Variants in CHSY3 observed in about 807,000 individuals in gnomAD.
CHSY3 encodes the protein N-acetylgalactosaminyl-proteoglycan 3-beta-glucuronosyltransferase 3.
CHSY3 carries 35 observed loss-of-function variants against 67.2 expected under a neutral mutation model. The observed-to-expected ratio is 0.52, with a 90% CI of 0.40 to 0.69. The LOEUF (loss-of-function observed/expected upper bound fraction) is 0.69. Among genes scored for constraint, CHSY3 ranks in the 30% least tolerant of loss-of-function variants. The pLI is 0.00. For missense variants in CHSY3, 1,069 were observed against 1,138.5 expected, an observed-to-expected ratio of 0.94 and a Z score of 0.88; for synonymous variants, 474 against 434.7, an observed-to-expected ratio of 1.09 and a Z score of -1.12.
intron 2 of CHSY3, among the ~76,000 whole-genome samples, chr5:129,934,171 C>A (rs1761412639): frequency 2.0e-5 from 3 of 151,888 alleles, no homozygotes; most frequent in Non-Finnish European, 2.9e-5. Flanking sequence ...AAAAAATGAT[C>A]TCAATATTTA....
chr5:129,999,111 AG>A (rs1293630609), intron 2 of CHSY3, among the ~76,000 whole-genome samples: 2 of 142,228 alleles, frequency 1.4e-5, no homozygotes, highest in East Asian at 4.2e-4. Flanking sequence ...ATACAGATCT[AG>A]CTCCCCCCTC....
intron 2 of CHSY3, among the ~76,000 whole-genome samples, chr5:130,051,547 C>G (rs977269116): frequency 1.3e-5 from 2 of 151,876 alleles, no homozygotes; most frequent in Non-Finnish European, 2.9e-5. Flanking sequence ...CAAAGAATGA[C>G]CTAGAAAATG....
intron 2 of CHSY3, among the ~76,000 whole-genome samples, chr5:129,910,657 A>G (rs1760506020): frequency 6.6e-6 from 1 of 152,058 alleles, no homozygotes; most frequent in Non-Finnish European, 1.5e-5. Flanking sequence ...TCTATGTTTC[A>G]TGAGACACCT....
At chr5:130,060,156 C>A (rs1765665921) in intron 2 of CHSY3, among the ~76,000 whole-genome samples, 1 of 152,040 alleles carries the variant, frequency 6.6e-6, no homozygotes, top group Non-Finnish European at 1.5e-5. Context: ...AACACAGATG[C>A]AAATCCTTAA....
At chr5:129,939,709 A>T (rs1429118851) in intron 2 of CHSY3, among the ~76,000 whole-genome samples, 4 of 152,208 alleles carry the variant, frequency 2.6e-5, no homozygotes, top group Non-Finnish European at 5.9e-5. Flanking sequence ...AATATGAATA[A>T]TCTTCACTTA....
intron 2 of CHSY3, among the ~76,000 whole-genome samples, chr5:129,941,719 T>A (rs2149595115): frequency 6.6e-6 from 1 of 152,272 alleles, no homozygotes; most frequent in Admixed American, 6.5e-5. Context: ...AGACACCAGC[T>A]GGGTGTCCTC....
chr5:130,129,203 G>A (rs545642418), intron 2 of CHSY3, among the ~76,000 whole-genome samples: 9 of 152,136 alleles, frequency 5.9e-5, no homozygotes, highest in Admixed American at 6.5e-5. Flanking sequence ...ATACAAGATA[G>A]CATCATCAAT....
intron 2 of CHSY3, among the ~76,000 whole-genome samples, chr5:130,014,970 T>A (rs1764174665): frequency 6.6e-6 from 1 of 152,128 alleles, no homozygotes; most frequent in South Asian, 2.1e-4. Flanking sequence ...CTGACAAAGG[T>A]CAAATATCTA....
intron 2 of CHSY3, among the ~76,000 whole-genome samples, chr5:130,040,110 A>G (rs534115555): frequency 6.6e-6 from 1 of 152,244 alleles, no homozygotes; most frequent in East Asian, 1.9e-4. Context: ...CAGTATTACT[A>G]TTGCTAAGCA....
intron 2 of CHSY3, among the ~76,000 whole-genome samples, chr5:130,038,321 G>T (rs144111461): frequency 6.6e-6 from 1 of 152,188 alleles, no homozygotes; most frequent in East Asian, 1.9e-4. Context: ...AGGCAGCATT[G>T]CTCTATTACA....
chr5:129,946,681 A>G (rs1332834859), intron 2 of CHSY3, among the ~76,000 whole-genome samples: 1 of 152,106 alleles, frequency 6.6e-6, no homozygotes, highest in African/African-American at 2.4e-5. Flanking sequence ...TCCACATATA[A>G]GTGCCTTTCT....
intron 2 of CHSY3, among the ~76,000 whole-genome samples, chr5:130,013,537 C>A (rs369014968): frequency 6.6e-6 from 1 of 152,308 alleles, no homozygotes; most frequent in South Asian, 2.1e-4. Flanking sequence ...CCCTCAGACC[C>A]AACACCACGT....
chr5:130,018,372 T>G (rs150589182), intron 2 of CHSY3, among the ~76,000 whole-genome samples: 1 of 152,162 alleles, frequency 6.6e-6, no homozygotes, highest in Non-Finnish European at 1.5e-5. Context: ...TCCAGAAATA[T>G]AATTGTTTAA....
At chr5:130,093,174 C>T (rs1234667038) in intron 2 of CHSY3, among the ~76,000 whole-genome samples, 2 of 152,084 alleles carry the variant, frequency 1.3e-5, no homozygotes, top group East Asian at 3.9e-4. Context: ...TTTCTTATGA[C>T]TACTTTTGGA....
chr5:129,939,522 C>G (rs1276209217), intron 2 of CHSY3, among the ~76,000 whole-genome samples: 5 of 152,224 alleles, frequency 3.3e-5, no homozygotes, highest in Middle Eastern at 3.4e-3. Flanking sequence ...GCCTCAGGTA[C>G]TATGTTTTAT....
intron 2 of CHSY3, among the ~76,000 whole-genome samples, chr5:130,093,492 A>C (rs1580726851): frequency 6.6e-6 from 1 of 152,192 alleles, no homozygotes; most frequent in East Asian, 1.9e-4. Flanking sequence ...ATACACACAA[A>C]TACTACTAAT....
intron 2 of CHSY3, among the ~76,000 whole-genome samples, chr5:130,046,077 C>T (rs185919221): frequency 1.3e-3 from 191 of 152,170 alleles, no homozygotes; most frequent in African/African-American, 4.4e-3. Flanking sequence ...TAACTCATGT[C>T]ATTATACCCA....
At position 130,185,547 on chromosome 5, in the gene CHSY3, G is replaced by C; in HGVS notation, c.2405G>C (p.Gly802Ala). The change falls in exon 3 of 3, where the codon GGC becomes GCC. Residue 802 changes from glycine (G) to alanine (A), a missense_variant. Coordinates refer to ENST00000305031, the MANE Select transcript of CHSY3 (RefSeq NM_175856.5). ...GGTGGATTTGATACCTCAATACAAG[G>C]CTGGGGACTAGAAGATGTAGATCTC... is the stretch of plus-strand genomic sequence containing the variant. ...GAGGFDTSIQ[G>A]WGLEDVDLYN... 1 of 1,614,104 alleles carries C rather than the reference G, an allele frequency of 6.2e-7. No individual in the cohort carries two copies. Among genetic ancestry groups the C allele is most frequent in the Non-Finnish European group, 8.5e-7 (1 of 1,179,986 alleles).
chr5:130,106,909 A>T (rs1767427735), intron 2 of CHSY3, among the ~76,000 whole-genome samples: 1 of 151,518 alleles, frequency 6.6e-6, no homozygotes, highest in South Asian at 2.1e-4. Flanking sequence ...AGCAGTTTTT[A>T]TGTGACATGT....
Sources: gnomAD v4.1 joint callset for allele counts (sites outside exome capture counted in the v4.1 genomes callset) on GRCh38, gnomAD v4.1.1 for gene constraint, MANE v1.5 for transcripts, NCBI Gene and HGNC (gene_info 2026-07-23, HGNC 2026-07-21) for gene names.